TTLL10: variants seen among roughly 807,000 people sequenced by gnomAD.
TTLL10 encodes the protein inactive polyglycylase TTLL10.
In TTLL10, 61 loss-of-function variants were observed where a neutral mutation model predicts 69.0. The ratio of observed to expected loss-of-function variants is 0.88; its 90% CI spans 0.72 to 1.09. The LOEUF is 1.09. Ranked by LOEUF, TTLL10 falls within the 50% of genes least tolerant of loss-of-function variation. TTLL10 has a pLI of 0.00. For missense variants in TTLL10, 962 were observed against 945.9 expected, an observed-to-expected ratio of 1.02 and a Z score of -0.22; for synonymous variants, 408 against 393.3, an observed-to-expected ratio of 1.04 and a Z score of -0.44.
intron 13 of TTLL10, among the ~76,000 whole-genome samples, chr1:1,189,844 G>C (rs1382033999): frequency 6.6e-6 from 1 of 152,080 alleles, no homozygotes; most frequent in Non-Finnish European, 1.5e-5. Flanking sequence ...CAGGCACGGT[G>C]GCTCATGCCT....
At chr1:1,175,518 C>A in intron 3 of TTLL10, 1 of 372,276 alleles carries the variant, frequency 2.7e-6, no homozygotes, top group East Asian at 7.2e-5. Flanking sequence ...GGGTGGTGCC[C>A]ATTTGTTTTC....
At chr1:1,189,940 G>A (rs901219482) in intron 13 of TTLL10, among the ~76,000 whole-genome samples, 34 of 151,988 alleles carry the variant, frequency 2.2e-4, no homozygotes, top group East Asian at 1.9e-4. Flanking sequence ...GTGAAACCCC[G>A]TCTCTACTAA....
chr1:1,182,852 G>C, intron 10 of TTLL10, 24 bp from the exon 11 acceptor site: 1 of 1,537,484 alleles, frequency 6.5e-7, no homozygotes, highest in East Asian at 2.4e-5. Flanking sequence ...GCGAGGCCAG[G>C]GGCTCAGGCC....
intron 13 of TTLL10, among the ~76,000 whole-genome samples, chr1:1,190,225 T>C (rs1210620856): frequency 6.6e-6 from 1 of 151,824 alleles, no homozygotes; most frequent in Non-Finnish European, 1.5e-5. Context: ...TCCCCTGATT[T>C]TAGTAATTTG....
intron 13 of TTLL10, among the ~76,000 whole-genome samples, chr1:1,189,908 C>T (rs1048329831): frequency 1.3e-5 from 2 of 151,998 alleles, no homozygotes; most frequent in Non-Finnish European, 1.5e-5. Flanking sequence ...GTCAGGAGAT[C>T]GAGACCATCC....
At chr1:1,196,739 G>A (rs528085436) in intron 14 of TTLL10, 23 bp downstream of exon 14, 2 of 1,489,264 alleles carry the variant, frequency 1.3e-6, no homozygotes, top group South Asian at 1.2e-5. Flanking sequence ...GCGGCGGGGG[G>A]CACAGTAGAC....
Position 1,185,961 on chromosome 1 carries a change from C to A in TTLL10, c.1401+852C>A. On this transcript the variant is annotated intron_variant, in intron 13 of 15. Transcript: ENST00000379289. The surrounding 1 kb of genome is among the most constrained non-coding windows in gnomAD (Gnocchi z 6.1). ...CACCTCAAAAAAGAAACACTACTAA[C>A]GAGCCATCACAGCTACATTGCCGGC... 2 of 473,732 alleles carry A rather than the reference C, an allele frequency of 4.2e-6. No individual in the cohort carries two copies. The highest frequency in any genetic ancestry group is 5.5e-6 in the Non-Finnish European group (2 of 362,612). 29.3% of individuals were successfully genotyped at this position (473,732 alleles called of 1,614,324 possible).
At position 1,181,967 on chromosome 1, in the gene TTLL10, C is replaced by T. The variant is rs1432474849; in HGVS notation, c.830+152C>T. 1.1e-5 allele frequency: 8 copies of T among 754,326 alleles called. No homozygotes were observed. Among genetic ancestry groups the T allele is most frequent in the South Asian group, 5.3e-5 (3 of 56,572 alleles). The allele number at this position is 754,326 out of a possible 1,614,324, so 46.7% of individuals were successfully genotyped here. A position where few individuals can be genotyped will look rare whatever the true frequency, so the allele number is the denominator to read the frequency against. On this transcript the variant is annotated intron_variant, in intron 9 of 15. Transcript: ENST00000379289. This position sits in a 1 kb window ranked among gnomAD's most constrained non-coding sequence, Gnocchi z 4.6. Reference sequence around the variant, plus strand: ...TTCAGCCAGGCCAGGCCGAGATCCACGCTGACCCCCCAGTGCACACAGAGC... The same window carrying T: ...TTCAGCCAGGCCAGGCCGAGATCCATGCTGACCCCCCAGTGCACACAGAGC...
chr1:1,176,564 G>A (rs1354424615), intron 3 of TTLL10, among the ~76,000 whole-genome samples: 1 of 152,116 alleles, frequency 6.6e-6, no homozygotes, highest in African/African-American at 2.4e-5. Context: ...GGCCAGGTAT[G>A]GAATTCCTGG....
At chr1:1,182,760 G>T in intron 10 of TTLL10, 116 bp from the exon 11 acceptor site, 1 of 1,397,122 alleles carries the variant, frequency 7.2e-7, no homozygotes, top group Non-Finnish European at 9.6e-7. Context: ...GCAGGGCCAA[G>T]GTTGGAATGG....
Position 1,180,567 on chromosome 1 carries a change from C to G in TTLL10, c.591C>G (p.Val197=). The G allele has an allele frequency of 6.4e-7, 1 of 1,551,990 alleles. No individual in the cohort carries two copies. The highest frequency in any genetic ancestry group is 8.7e-7 in the Non-Finnish European group (1 of 1,147,414). Residue 197 remains valine, a synonymous_variant, in exon 7 of 16, where the codon GTC becomes GTG. Coordinates refer to ENST00000379289, the MANE Select transcript of TTLL10 (RefSeq NM_001130045.2). ...RDDYTLKWCE[V]KSRDSYGSFR... is the part of the protein sequence containing the mutation. ...ACTACACGCTGAAGTGGTGTGAGGT[C>G]AAGAGCCGAGACAGCTACGGCAGCT...
At chr1:1,179,870 C>T in intron 5 of TTLL10, 133 bp downstream of exon 5, 2 of 1,440,882 alleles carry the variant, frequency 1.4e-6, no homozygotes, top group Non-Finnish European at 1.8e-6. Context: ...AGTCCCCAGG[C>T]CGCCTGGTGG....
rs1393862341 is a variant in TTLL10, at chr1:1,197,535, C to A, written c.1710C>A (p.Ala570=). ...RRFVLLHNGE[A]DPRPHLGGSC... is the part of the protein sequence containing the mutation. ...TCGTGCTCCTGCACAACGGTGAGGC[C>A]GACCCGCGGCCGCACCTGGGGGGCT... Residue 570 remains alanine, a synonymous_variant, in exon 16 of 16, where the codon GCC becomes GCA. Coordinates refer to ENST00000379289, the MANE Select transcript of TTLL10 (RefSeq NM_001130045.2). 6.5e-7 allele frequency: 1 copy of A among 1,528,990 alleles called. No individual in the cohort carries two copies. Among genetic ancestry groups the A allele is most frequent in the Non-Finnish European group, 8.8e-7 (1 of 1,141,650 alleles). The allele number at this position is 1,528,990 out of a possible 1,614,324, so 94.7% of individuals were successfully genotyped here. A position where few individuals can be genotyped will look rare whatever the true frequency, so the allele number is the denominator to read the frequency against.
At position 1,181,110 on chromosome 1, in the gene TTLL10, T is replaced by C. The variant is rs1647054282; in HGVS notation, c.755+250T>C. ...CCTGCCTCCACCTTCCACCTGTCCT[T>C]TAAAGGGCCAAACCCCTGTCCCATA... On this transcript the variant is annotated intron_variant, in intron 8 of 15. Transcript: ENST00000379289. This position sits in a 1 kb window ranked among gnomAD's most constrained non-coding sequence, Gnocchi z 4.6. Among the ~76,000 whole-genome samples the C allele has an allele frequency of 6.7e-6, 1 of 148,506 alleles. No homozygotes were observed. The highest frequency in any genetic ancestry group is 1.5e-5 in the Non-Finnish European group (1 of 67,198).
At chr1:1,179,854 G>A (rs1646990396) in intron 5 of TTLL10, 117 bp downstream of exon 5, 1 of 1,449,092 alleles carries the variant, frequency 6.9e-7, no homozygotes, top group South Asian at 1.4e-5. Flanking sequence ...CTCCCCAGAT[G>A]TAAGCAGTCC....
At chr1:1,187,138 G>A (rs959955312) in intron 13 of TTLL10, among the ~76,000 whole-genome samples, 67 of 151,956 alleles carry the variant, frequency 4.4e-4, no homozygotes, top group African/African-American at 1.5e-3. Context: ...GAGCCACCGC[G>A]CCCGGCCAAA....
In TTLL10 at chr1:1,196,656, C is replaced by T; in HGVS notation, c.1458C>T (p.Asp486=). The T allele has an allele frequency of 6.4e-7, 1 of 1,552,058 alleles. No homozygotes were observed. Among genetic ancestry groups the T allele is most frequent in the Non-Finnish European group, 8.7e-7 (1 of 1,147,038 alleles). Residue 486 remains aspartate, a synonymous_variant, in exon 14 of 16, where the codon GAC becomes GAT. Transcript: ENST00000379289. The stretch of plus-strand genomic sequence containing the variant: ...TTCTGGCCGCCAAGCCCAAGCTGGA[C>T]TGCAAGCTGGGTTACTTTGACCTCA... ...HCFLAAKPKL[D]CKLGYFDLIG...
At position 1,180,350 on chromosome 1, in the gene TTLL10, G is replaced by A. The variant is rs1382087325; in HGVS notation, c.506+10G>A. 44 of 1,554,070 alleles carry A rather than the reference G, an allele frequency of 2.8e-5. No homozygotes were observed. The highest frequency in any genetic ancestry group is 5.5e-5 in the African/African-American group (4 of 73,274). On this transcript the variant is annotated intron_variant, in intron 6 of 15. Coordinates refer to ENST00000379289, the MANE Select transcript of TTLL10 (RefSeq NM_001130045.2). Reference sequence around the variant, plus strand: ...GCAACGGGGCCACAATGTGAGTAGCGGCCCTGGGCGCCCGTGGTCCCACTG... The same window carrying A: ...GCAACGGGGCCACAATGTGAGTAGCAGCCCTGGGCGCCCGTGGTCCCACTG...
chr1:1,196,736 G>C lies in TTLL10; in HGVS notation c.1518+20G>C. On this transcript the variant is annotated intron_variant, in intron 14 of 15. Coordinates refer to ENST00000379289, the MANE Select transcript of TTLL10 (RefSeq NM_001130045.2). ...TTCAAGGTGCTGTCCTGGGCGGCGG[G>C]GGGCACAGTAGACAGATGCAAGGAG... is the stretch of plus-strand genomic sequence containing the variant. 1 of 1,501,726 alleles carries C rather than the reference G, an allele frequency of 6.7e-7. No homozygotes were observed. The highest frequency in any genetic ancestry group is 1.2e-5 in the South Asian group (1 of 82,922). 93.0% of individuals were successfully genotyped at this position (1,501,726 alleles called of 1,614,324 possible).
Sources: gnomAD v4.1 joint callset for allele counts (sites outside exome capture counted in the v4.1 genomes callset) on GRCh38, gnomAD v4.1.1 for gene constraint, Gnocchi (gnomAD v3.1) non-coding constraint, MANE v1.5 for transcripts, NCBI Gene and HGNC (gene_info 2026-07-23, HGNC 2026-07-21) for gene names.